The following SLX4IP variants were observed in gnomAD, a reference collection of about 807,000 sequenced individuals.
SLX4IP encodes protein SLX4IP.
In SLX4IP, 34 loss-of-function variants were observed where a neutral mutation model predicts 32.9. The observed-to-expected ratio is 1.03, with a 90% CI of 0.79 to 1.38. The LOEUF (loss-of-function observed/expected upper bound fraction) is 1.38. Among genes scored for constraint, SLX4IP ranks in the 40% most tolerant of loss-of-function variants. The probability of loss-of-function intolerance (pLI) is 0.00; values close to 1 mark genes in which losing one functional copy is unlikely to be tolerated. For synonymous variants in SLX4IP, 172 were observed against 171.7 expected, an observed-to-expected ratio of 1.00 and a Z score of -0.01; for missense variants, 444 against 479.0, an observed-to-expected ratio of 0.93 and a Z score of 0.68.
At chr20:10,444,801 C>T (rs974695381) in intron 1 of SLX4IP, among the ~76,000 whole-genome samples, 5 of 152,044 alleles carry the variant, frequency 3.3e-5, no homozygotes, top group Non-Finnish European at 5.9e-5. Context: ...GAGGATGGAG[C>T]CCTCATTATT....
intron 2 of SLX4IP, among the ~76,000 whole-genome samples, chr20:10,465,138 T>C (rs1405287648): frequency 6.6e-6 from 1 of 152,166 alleles, no homozygotes; most frequent in Non-Finnish European, 1.5e-5. Flanking sequence ...TTATTTTAAC[T>C]GAAAGAAGTG....
At chr20:10,524,378 A>T (rs1039887429) in intron 2 of SLX4IP, among the ~76,000 whole-genome samples, 2 of 152,096 alleles carry the variant, frequency 1.3e-5, no homozygotes, top group Non-Finnish European at 2.9e-5. Context: ...ATGCAGGGAG[A>T]CACTCTTGAC....
intron 2 of SLX4IP, among the ~76,000 whole-genome samples, chr20:10,552,548 GC>G (rs1187522062): frequency 6.6e-6 from 1 of 152,104 alleles, no homozygotes; most frequent in Non-Finnish European, 1.5e-5. Context: ...CAGAGGGAGA[GC>G]CCCCTGCGGG....
At chr20:10,475,019 C>T (rs897570873) in intron 2 of SLX4IP, among the ~76,000 whole-genome samples, 5 of 152,168 alleles carry the variant, frequency 3.3e-5, no homozygotes, top group Admixed American at 6.5e-5. Flanking sequence ...TGGGCAAGCA[C>T]GTGGAGCCGC....
intron 1 of SLX4IP, among the ~76,000 whole-genome samples, chr20:10,450,552 G>A (rs1335042462): frequency 6.6e-6 from 1 of 152,074 alleles, no homozygotes; most frequent in African/African-American, 2.4e-5. Flanking sequence ...TGTGCATTAT[G>A]TTATTTAGAG....
intron 2 of SLX4IP, among the ~76,000 whole-genome samples, chr20:10,498,219 C>A (rs2065685659): frequency 6.6e-6 from 1 of 151,224 alleles, no homozygotes; most frequent in Non-Finnish European, 1.5e-5. Context: ...ATTAGCTGAG[C>A]CAGTGGGCAG....
intron 1 of SLX4IP, among the ~76,000 whole-genome samples, chr20:10,451,214 G>A (rs1169167438): frequency 6.6e-6 from 1 of 151,620 alleles, no homozygotes; most frequent in Non-Finnish European, 1.5e-5. Flanking sequence ...AGGCTGGAGT[G>A]CAGTAGCGTA....
At chr20:10,491,028 CAA>C (rs1000040488) in intron 2 of SLX4IP, among the ~76,000 whole-genome samples, 2 of 151,486 alleles carry the variant, frequency 1.3e-5, no homozygotes, top group African/African-American at 2.4e-5. Context: ...AGAAAGCAAA[CAA>C]GAGAGTGGTT....
At chr20:10,584,728 G>T (rs2066625465) in intron 4 of SLX4IP, among the ~76,000 whole-genome samples, 1 of 152,152 alleles carries the variant, frequency 6.6e-6, no homozygotes, top group Admixed American at 6.5e-5. Context: ...ATTGGGAATT[G>T]GAAAGACCCT....
intron 4 of SLX4IP, among the ~76,000 whole-genome samples, chr20:10,566,679 A>G (rs2066398800): frequency 6.6e-6 from 1 of 152,174 alleles, no homozygotes; most frequent in African/African-American, 2.4e-5. Flanking sequence ...TGAGTTTTCA[A>G]TAGACCTTTC....
chr20:10,457,483 T>G (rs1487041256), intron 1 of SLX4IP, among the ~76,000 whole-genome samples: 1 of 151,406 alleles, frequency 6.6e-6, no homozygotes, highest in Admixed American at 6.6e-5. Context: ...ATTTTTTCTG[T>G]TATTCTATTA....
chr20:10,566,283 A>ATT (rs59907123), intron 4 of SLX4IP, among the ~76,000 whole-genome samples: 23 of 97,880 alleles, frequency 2.3e-4, no homozygotes, highest in East Asian at 6.5e-4. Context: ...AACTGATTAC[A>ATT]TTTTTTTTTT....
intron 2 of SLX4IP, among the ~76,000 whole-genome samples, chr20:10,522,371 T>C (rs2065906960): frequency 6.6e-6 from 1 of 152,180 alleles, no homozygotes. Flanking sequence ...TTTTTAAAGC[T>C]ATGCAACGTT....
At chr20:10,572,746 G>C (rs989588194) in intron 4 of SLX4IP, among the ~76,000 whole-genome samples, 1 of 152,158 alleles carries the variant, frequency 6.6e-6, no homozygotes, top group African/African-American at 2.4e-5. Context: ...TAAGCTGAAT[G>C]CTTCTCTAAA....
At chr20:10,464,030 G>A (rs544717589) in intron 2 of SLX4IP, among the ~76,000 whole-genome samples, 14 of 152,286 alleles carry the variant, frequency 9.2e-5, no homozygotes, top group African/African-American at 3.4e-4. Flanking sequence ...ATATAAAACT[G>A]AAATAATAAG....
chr20:10,492,654 T>G (rs1041909943), intron 2 of SLX4IP, among the ~76,000 whole-genome samples: 1 of 152,226 alleles, frequency 6.6e-6, no homozygotes, highest in Non-Finnish European at 1.5e-5. Flanking sequence ...AATTCTAATA[T>G]GGACTGATAT....
intron 6 of SLX4IP, among the ~76,000 whole-genome samples, chr20:10,621,063 A>G (rs2067105498): frequency 6.6e-6 from 1 of 152,218 alleles, no homozygotes. Context: ...TTTGGAATCA[A>G]CATTATTTGC....
chr20:10,616,292 A>G (rs996206138), intron 6 of SLX4IP, among the ~76,000 whole-genome samples: 9 of 151,742 alleles, frequency 5.9e-5, no homozygotes, highest in African/African-American at 2.2e-4. Flanking sequence ...TCAATCAATC[A>G]TTGCCGAGGC....
intron 2 of SLX4IP, among the ~76,000 whole-genome samples, chr20:10,532,836 C>T (rs1265324740): frequency 1.3e-5 from 2 of 151,424 alleles, no homozygotes; most frequent in Admixed American, 6.6e-5. Flanking sequence ...AGTGCAGTAG[C>T]GTGATCTCGG....
Sources: gnomAD v4.1 joint callset for allele counts (sites outside exome capture counted in the v4.1 genomes callset) on GRCh38, gnomAD v4.1.1 for gene constraint, MANE v1.5 for transcripts, NCBI Gene and HGNC (gene_info 2026-07-23, HGNC 2026-07-21) for gene names.